Variants in LRP1B observed in about 807,000 individuals in gnomAD.
The protein encoded by LRP1B is LDL receptor related protein 1B.
In LRP1B, 217 loss-of-function variants were observed where a neutral mutation model predicts 556.6. The ratio of observed to expected loss-of-function variants is 0.39; its 90% confidence interval spans 0.35 to 0.44. The LOEUF (loss-of-function observed/expected upper bound fraction) is 0.44, where lower values mean the gene tolerates loss of function less well. Ranked by LOEUF, LRP1B falls within the 20% of genes least tolerant of loss-of-function variation. LRP1B has a pLI of 1.00. For synonymous variants in LRP1B, 2,047 were observed against 1,865.8 expected (o/e 1.10, Z -2.50); for missense variants, 5,053 against 5,620.8 (o/e 0.90, Z 3.23).
At chr2:141,524,148 A>C (rs999241164) in intron 2 of LRP1B, among the ~76,000 whole-genome samples, 3 of 152,066 alleles carry the variant, frequency 2.0e-5, no homozygotes, top group South Asian at 2.1e-4. Context: ...ACCTGAATCA[A>C]GTATAATGTC....
chr2:140,514,700 C>T lies in LRP1B; in HGVS notation c.8222G>A (p.Gly2741Glu), dbSNP rs2104931965. ...KCISKHWICD[G>E]EDDCGDGLDE... ...TAACCCATCCCCACAGTCATCTTCT[C>T]CATCACAAATCCAATGCTTAGAAAT... The change falls in exon 51 of 91, where the codon GGA becomes GAA. Residue 2741 changes from glycine to glutamate, a missense_variant. By Grantham distance (98) the Gly-to-Glu change is moderately conservative. Around this residue, in one of 5 missense-constraint regions of LRP1B, gnomAD observed 3,619 missense variants for 3,931.9 expected, o/e 0.92. Transcript: ENST00000389484. 1 of 1,612,658 alleles carries T rather than the reference C, an allele frequency of 6.2e-7. No individual in the cohort carries two copies. The highest frequency in any genetic ancestry group is 1.1e-5 in the South Asian group (1 of 90,988).
intron 35 of LRP1B, among the ~76,000 whole-genome samples, chr2:140,742,646 C>A (rs1255580537): frequency 6.6e-6 from 1 of 151,814 alleles, no homozygotes; most frequent in Non-Finnish European, 1.5e-5. Flanking sequence ...CTATGTTACC[C>A]AGGCTGATCT....
chr2:140,992,513 T>C (rs1039205040), intron 16 of LRP1B: 5 of 152,110 alleles, frequency 3.3e-5, no homozygotes, highest in African/African-American at 7.2e-5. Flanking sequence ...GAAGCTGATA[T>C]ATAGGGAGCA....
At chr2:140,594,765 T>G (rs902807755) in intron 43 of LRP1B, among the ~76,000 whole-genome samples, 18 of 152,092 alleles carry the variant, frequency 1.2e-4, no homozygotes, top group Non-Finnish European at 2.5e-4. Flanking sequence ...AAATATGCAA[T>G]TATGCAAAAT....
chr2:140,662,883 C>T (rs977653164), intron 41 of LRP1B, among the ~76,000 whole-genome samples: 1 of 152,020 alleles, frequency 6.6e-6, no homozygotes, highest in Non-Finnish European at 1.5e-5. Flanking sequence ...GAGGCGCCTG[C>T]AAATGCTTTA....
At chr2:142,006,157 C>T (rs1191051658) in intron 1 of LRP1B, among the ~76,000 whole-genome samples, 3 of 152,158 alleles carry the variant, frequency 2.0e-5, no homozygotes, top group East Asian at 1.9e-4. Flanking sequence ...GCTAGAAAAA[C>T]GAATCAACCA....
intron 1 of LRP1B, among the ~76,000 whole-genome samples, chr2:141,928,333 G>T (rs1323786124): frequency 6.6e-6 from 1 of 152,102 alleles, no homozygotes; most frequent in Non-Finnish European, 1.5e-5. Flanking sequence ...TACATTGTAT[G>T]CACAGAAGTA....
At chr2:140,381,377 G>A (rs1683478838) in intron 67 of LRP1B, among the ~76,000 whole-genome samples, 1 of 152,088 alleles carries the variant, frequency 6.6e-6, no homozygotes, top group South Asian at 2.1e-4. Flanking sequence ...TTTCCAAAAT[G>A]CTATATTCAT....
chr2:140,698,059 T>C (rs1280273424), intron 41 of LRP1B, among the ~76,000 whole-genome samples: 2 of 151,956 alleles, frequency 1.3e-5, no homozygotes, highest in Non-Finnish European at 2.9e-5. Context: ...CTAAATAAAA[T>C]GGTTTTTTTT....
chr2:140,994,669 T>C (rs1306741126), intron 15 of LRP1B, among the ~76,000 whole-genome samples: 31 of 150,650 alleles, frequency 2.1e-4, no homozygotes, highest in Non-Finnish European at 1.0e-4. Flanking sequence ...ATATATTAAT[T>C]AGACTATAGT....
intron 49 of LRP1B, among the ~76,000 whole-genome samples, chr2:140,521,699 A>G (rs1409316265): frequency 1.3e-5 from 2 of 152,034 alleles, no homozygotes; most frequent in African/African-American, 2.4e-5. Flanking sequence ...TTAACCTTCA[A>G]TGTAAATGGC....
intron 35 of LRP1B, among the ~76,000 whole-genome samples, chr2:140,762,275 T>A (rs1265237610): frequency 6.6e-6 from 1 of 152,174 alleles, no homozygotes; most frequent in Non-Finnish European, 1.5e-5. Flanking sequence ...GAATCCTGAA[T>A]GCAGAATTTA....
intron 1 of LRP1B, among the ~76,000 whole-genome samples, chr2:141,827,780 ACTTT>A (rs1159850635): frequency 6.6e-6 from 1 of 152,148 alleles, no homozygotes; most frequent in Admixed American, 6.6e-5. Context: ...TATTCATCAT[ACTTT>A]CTTTAAAAAT....
At chr2:141,845,801 A>G (rs1373956481) in intron 1 of LRP1B, among the ~76,000 whole-genome samples, 1 of 152,016 alleles carries the variant, frequency 6.6e-6, no homozygotes, top group African/African-American at 2.4e-5. Context: ...AAGAAACATT[A>G]TAAACATTGT....
chr2:140,877,618 A>T (rs1693350160), intron 25 of LRP1B, among the ~76,000 whole-genome samples: 1 of 152,174 alleles, frequency 6.6e-6, no homozygotes, highest in African/African-American at 2.4e-5. Flanking sequence ...CTGCTCACTG[A>T]GATCAATGCA....
chr2:140,850,864 G>A (rs955898740), intron 28 of LRP1B, among the ~76,000 whole-genome samples: 7 of 151,960 alleles, frequency 4.6e-5, no homozygotes, highest in African/African-American at 7.3e-5. Flanking sequence ...ATTGTGAGGC[G>A]TTATATCACT....
chr2:141,219,051 G>A (rs300373), intron 6 of LRP1B, among the ~76,000 whole-genome samples: 145,508 of 152,252 alleles, frequency 0.96, 69,855 homozygotes, highest in East Asian at 1. Context: ...CTGGGAAACC[G>A]CATTCTTTCT....
intron 2 of LRP1B, among the ~76,000 whole-genome samples, chr2:141,537,003 G>T (rs979978993): frequency 6.0e-5 from 9 of 150,364 alleles, no homozygotes; most frequent in African/African-American, 1.2e-4. Flanking sequence ...AATGAGAAAA[G>T]AATAGGAAAA....
At chr2:141,442,371 G>A (rs556457026) in intron 3 of LRP1B, among the ~76,000 whole-genome samples, 1 of 150,074 alleles carries the variant, frequency 6.7e-6, no homozygotes, top group Non-Finnish European at 1.5e-5. Flanking sequence ...AAAAAACAGT[G>A]GACAATATAC....
Sources: gnomAD v4.1 joint callset for allele counts (sites outside exome capture counted in the v4.1 genomes callset) on GRCh38, gnomAD v4.1.1 for gene constraint, gnomAD v4.1.1 regional missense constraint, MANE v1.5 for transcripts, NCBI Gene and HGNC (gene_info 2026-07-23, HGNC 2026-07-21) for gene names.